Variants in FBXW10 observed in about 807,000 individuals in gnomAD.
FBXW10 encodes the protein F-box and WD repeat domain containing 10.
FBXW10 carries 68 observed loss-of-function variants against 113.1 expected under a neutral mutation model. The ratio of observed to expected loss-of-function variants is 0.60; its 90% CI spans 0.49 to 0.74. FBXW10 has a LOEUF of 0.74. FBXW10 is among the 30% of genes least tolerant of loss of function. FBXW10 has a pLI of 0.00. For missense variants in FBXW10, 753 were observed against 1,284.5 expected (o/e 0.59, Z 6.32); for synonymous variants, 289 against 481.6 (o/e 0.60, Z 5.24).
chr17:18,768,863 T>C (rs562104161), intron 10 of FBXW10, among the ~76,000 whole-genome samples, 187 bp downstream of exon 10: 1 of 152,170 alleles, frequency 6.6e-6, no homozygotes, highest in East Asian at 1.9e-4. Context: ...TGTCTGACTG[T>C]TAACCTCTTC....
At chr17:18,761,478 G>T (rs1383756078) in intron 7 of FBXW10, among the ~76,000 whole-genome samples, 2 of 152,120 alleles carry the variant, frequency 1.3e-5, no homozygotes, top group African/African-American at 4.8e-5. Context: ...TGCTAGCCAG[G>T]ATGGTCTCGA....
chr17:18,753,526 G>T (rs915563223), intron 5 of FBXW10, among the ~76,000 whole-genome samples: 6 of 152,066 alleles, frequency 3.9e-5, no homozygotes, highest in African/African-American at 1.4e-4. Flanking sequence ...CCTGTTGACT[G>T]TCAAGCCACC....
chr17:18,772,119 TAAAAATA>T (rs1308432740), intron 11 of FBXW10, among the ~76,000 whole-genome samples: 2 of 151,898 alleles, frequency 1.3e-5, no homozygotes, highest in Non-Finnish European at 2.9e-5. Context: ...AATAAAAAAA[TAAAAATA>T]AAAAATAAAA....
chr17:18,777,291 C>T (rs369432962), intron 13 of FBXW10, among the ~76,000 whole-genome samples: 115 of 151,748 alleles, frequency 7.6e-4, no homozygotes, highest in African/African-American at 2.6e-3. Flanking sequence ...CTCGAACTCC[C>T]GACCTCAGGT....
intron 9 of FBXW10, 46 bp from the exon 10 acceptor site, chr17:18,768,488 G>A (rs2035546974): frequency 6.2e-7 from 1 of 1,605,552 alleles, no homozygotes; most frequent in African/African-American, 1.3e-5. Context: ...TTGGTTCTTG[G>A]AGGAGTCACA....
chr17:18,748,025 C>T lies in FBXW10; in HGVS notation c.590C>T (p.Thr197Ile). 3.7e-6 allele frequency: 6 copies of T among 1,613,874 alleles called. No homozygotes were observed. The highest frequency in any genetic ancestry group is 5.1e-6 in the Non-Finnish European group (6 of 1,179,854). The change falls in exon 2 of 14, where the codon ACA (threonine) becomes ATA (isoleucine). Residue 197 changes from threonine to isoleucine, a missense_variant. Transcript: ENST00000395665. ...TCTGCGACCTCACAAGTCTATTGGA[C>T]AGCCAAAACTCAGCACACATCCCTT... ...SKSATSQVYWTAKTQHTSLPL... is the reference protein window; with the variant it reads ...SKSATSQVYWIAKTQHTSLPL...
At chr17:18,760,414 G>C (rs2035356232) in intron 7 of FBXW10, among the ~76,000 whole-genome samples, 2 of 152,242 alleles carry the variant, frequency 1.3e-5, no homozygotes, top group Admixed American at 1.3e-4. Flanking sequence ...CAACGGTGCA[G>C]ATGAAGCCCA....
At position 18,744,140 on chromosome 17, in the gene FBXW10, A is replaced by C. The variant is rs1441288664; in HGVS notation, c.-105A>C. The C allele has an allele frequency of 1.5e-5, 23 of 1,516,218 alleles. No individual in the cohort carries two copies. Among genetic ancestry groups the C allele is most frequent in the Non-Finnish European group, 1.9e-5 (22 of 1,134,212 alleles). 93.9% of individuals were successfully genotyped at this position (1,516,218 alleles called of 1,614,324 possible). On this transcript the variant is annotated 5_prime_UTR_variant, in exon 1 of 14. Coordinates refer to ENST00000395665, the MANE Select transcript of FBXW10 (RefSeq NM_001267585.2). ...TGCTCTGGGAGACGTTTGTAATAGAAAAGGCACAACTGGGGTATTTATTCA... is the reference window on the plus strand; with the variant it reads ...TGCTCTGGGAGACGTTTGTAATAGACAAGGCACAACTGGGGTATTTATTCA...
In FBXW10 at chr17:18,750,964, G is replaced by A. The variant is rs1407745519; in HGVS notation, c.1033G>A (p.Ala345Thr). 2 of 1,613,964 alleles carry A rather than the reference G, an allele frequency of 1.2e-6. No homozygotes were observed. Among genetic ancestry groups the A allele is most frequent in the Non-Finnish European group, 1.7e-6 (2 of 1,179,918 alleles). ...CACAAGAGGAATTGATCCTAATTAT[G>A]CCAATAAGGTTTCTATCCCAGTTCC... ...SYTRGIDPNY[A>T]NKVSIPVPKM... is the part of the protein sequence containing the mutation. The change falls in exon 5 of 14, where the codon GCC (alanine) becomes ACC (threonine). Residue 345 changes from alanine to threonine, a missense_variant. By Grantham distance (58) the Ala-to-Thr change is moderately conservative. Transcript: ENST00000395665.
In FBXW10 at chr17:18,775,280, A is replaced by G; in HGVS notation, c.2335+88A>G. 6 of 846,954 alleles carry G rather than the reference A, an allele frequency of 7.1e-6. No individual in the cohort carries two copies. In the South Asian group the frequency reaches 8.5e-5, roughly 12 times the overall value. The allele number at this position is 846,954 out of a possible 1,614,324, so 52.5% of individuals were successfully genotyped here. A position where few individuals can be genotyped will look rare whatever the true frequency, so the allele number is the denominator to read the frequency against. ...TTGGAAGCAAAATCCACAGCAGGAG[A>G]TAAGACAAAAAGTCATACTTAATTC... On this transcript the variant is annotated intron_variant, in intron 13 of 13. Transcript: ENST00000395665.
At position 18,769,990 on chromosome 17, in the gene FBXW10, C is replaced by T. The variant is rs776043297; in HGVS notation, c.1911C>T (p.Ile637=). The change falls in exon 11 of 14, where the codon ATC becomes ATT. Residue 637 remains isoleucine, a synonymous_variant. Transcript: ENST00000395665. ...TCAGCGCCTGTGCAGATGGCAAGAT[C>T]CGAATTTACAATTTCCTCAACGGGA... ...RVISACADGK[I]RIYNFLNGNC... is the part of the protein sequence containing the mutation. The T allele has an allele frequency of 5.0e-6, 8 of 1,614,168 alleles. No homozygotes were observed. Among genetic ancestry groups the T allele is most frequent in the Non-Finnish European group, 6.8e-6 (8 of 1,180,044 alleles).
At chr17:18,752,712 CAAAA>C (rs113012809) in intron 5 of FBXW10, among the ~76,000 whole-genome samples, 1 of 91,206 alleles carries the variant, frequency 1.1e-5, no homozygotes, top group Non-Finnish European at 2.4e-5. Flanking sequence ...GATTCCATCT[CAAAA>C]AAAAAAAAAA....
chr17:18,775,103 A>G (rs776627302), intron 12 of FBXW10, 33 bp from the exon 13 acceptor site: 2 of 1,506,082 alleles, frequency 1.3e-6, no homozygotes, highest in Non-Finnish European at 1.8e-6. Context: ...GAAGTATATA[A>G]TGACTACAGC....
rs78640521 is a variant in FBXW10, at chr17:18,772,479, G to A, written c.2074G>A (p.Val692Met). 2.9e-5 allele frequency: 46 copies of A among 1,613,806 alleles called. 1 individual carries two copies. The highest frequency in any genetic ancestry group is 1.1e-4 in the African/African-American group (8 of 74,926). Residue 692 changes from valine (V) to methionine (M), a missense_variant, in exon 12 of 14, where the codon GTG becomes ATG. Physicochemically the swap from Val to Met is conservative, Grantham distance 21. Coordinates refer to ENST00000395665, the MANE Select transcript of FBXW10 (RefSeq NM_001267585.2). ...QFEHIKWQYAVEKTKQKKNKE... is the reference protein window; with the variant it reads ...QFEHIKWQYAMEKTKQKKNKE... ...TGAGCACATAAAGTGGCAGTATGCC[G>A]TGGAAAAAACGAAACAAAAGAAGAA...
intron 8 of FBXW10, among the ~76,000 whole-genome samples, chr17:18,766,322 T>A (rs909421482): frequency 1.3e-5 from 2 of 151,944 alleles, no homozygotes; most frequent in Non-Finnish European, 2.9e-5. Flanking sequence ...TTTTTTTTTT[T>A]AATTTTACCT....
chr17:18,748,408 C>CA (rs57336039), intron 2 of FBXW10, among the ~76,000 whole-genome samples: 966 of 51,280 alleles, frequency 0.019, 47 homozygotes, highest in African/African-American at 0.042. Context: ...GAGACTGTCT[C>CA]AAAAAAAAAA....
intron 2 of FBXW10, among the ~76,000 whole-genome samples, chr17:18,748,466 A>G (rs1185878354): frequency 6.7e-6 from 1 of 149,912 alleles, no homozygotes; most frequent in Non-Finnish European, 1.5e-5. Flanking sequence ...GAGATTGGGA[A>G]GACCCAGTGG....
intron 5 of FBXW10, among the ~76,000 whole-genome samples, chr17:18,753,876 CAA>C (rs772287091): frequency 2.4e-5 from 3 of 124,018 alleles, no homozygotes; most frequent in Admixed American, 8.3e-5. Flanking sequence ...GACTCCATCT[CAA>C]AAAAAAAAAA....
intron 7 of FBXW10, among the ~76,000 whole-genome samples, chr17:18,758,707 AAC>A (rs1177397553): frequency 7.0e-6 from 1 of 143,288 alleles, no homozygotes; most frequent in Non-Finnish European, 1.5e-5. Flanking sequence ...ATGGATTTAT[AAC>A]AGTTATCAGA....
Sources: gnomAD v4.1 joint callset for allele counts (sites outside exome capture counted in the v4.1 genomes callset) on GRCh38, gnomAD v4.1.1 for gene constraint, MANE v1.5 for transcripts, NCBI Gene and HGNC (gene_info 2026-07-23, HGNC 2026-07-21) for gene names.